The following IMMP2L variants were observed in gnomAD, a reference collection of about 807,000 sequenced individuals.
IMMP2L encodes mitochondrial inner membrane protease subunit 2.
IMMP2L carries 18 observed loss-of-function variants against 19.3 expected under a neutral mutation model. The observed-to-expected ratio is 0.93, with a 90% CI of 0.64 to 1.38. IMMP2L has a LOEUF of 1.38. IMMP2L is among the 40% of genes most tolerant of loss of function. The pLI is 0.00. For synonymous variants in IMMP2L, 76 were observed against 73.0 expected (o/e 1.04, Z -0.21); for missense variants, 233 against 218.2 (o/e 1.07, Z -0.43).
chr7:111,289,444 C>T (rs1368905905), intron 3 of IMMP2L, among the ~76,000 whole-genome samples: 3 of 149,852 alleles, frequency 2.0e-5, no homozygotes, highest in Non-Finnish European at 3.0e-5. Context: ...CCTGGAAAGA[C>T]AAGTTGGTGG....
intron 5 of IMMP2L, among the ~76,000 whole-genome samples, chr7:110,771,906 C>G (rs1378701239): frequency 6.6e-6 from 1 of 152,146 alleles, no homozygotes; most frequent in Admixed American, 6.5e-5. Flanking sequence ...GTACCCAGCA[C>G]TTGGTTACAG....
intron 3 of IMMP2L, among the ~76,000 whole-genome samples, chr7:111,310,125 C>G (rs1338119696): frequency 1.3e-5 from 2 of 151,788 alleles, no homozygotes; most frequent in Admixed American, 6.6e-5. Flanking sequence ...ATCCCAGCTA[C>G]TCGCGGGGCT....
intron 4 of IMMP2L, among the ~76,000 whole-genome samples, chr7:110,934,505 G>A (rs1167816202): frequency 6.6e-6 from 1 of 152,060 alleles, no homozygotes; most frequent in Non-Finnish European, 1.5e-5. Flanking sequence ...TTAGAAGGCT[G>A]GATCTGATCC....
At chr7:110,890,740 C>T (rs977891181) in intron 4 of IMMP2L, among the ~76,000 whole-genome samples, 1 of 152,136 alleles carries the variant, frequency 6.6e-6, no homozygotes, top group Non-Finnish European at 1.5e-5. Context: ...GGTACTCTAA[C>T]TACCTGTCTA....
chr7:111,366,407 C>T (rs1050935291), intron 3 of IMMP2L, among the ~76,000 whole-genome samples: 9 of 147,236 alleles, frequency 6.1e-5, no homozygotes, highest in Non-Finnish European at 1.3e-4. Flanking sequence ...TTATAAAAGA[C>T]AAAAAAGCAA....
chr7:111,081,501 C>T (rs1216746282), intron 3 of IMMP2L, among the ~76,000 whole-genome samples: 1 of 152,200 alleles, frequency 6.6e-6, no homozygotes, highest in Non-Finnish European at 1.5e-5. Flanking sequence ...CCAACCTGTG[C>T]ACAGAGGGAG....
At chr7:111,470,220 G>A (rs867605480) in intron 3 of IMMP2L, among the ~76,000 whole-genome samples, 9 of 152,022 alleles carry the variant, frequency 5.9e-5, no homozygotes, top group East Asian at 3.9e-4. Flanking sequence ...AAAAGTCAGG[G>A]AACAACAGGT....
chr7:111,088,421 A>C (rs1458238527), intron 3 of IMMP2L, among the ~76,000 whole-genome samples: 1 of 152,182 alleles, frequency 6.6e-6, no homozygotes. Context: ...ATTTCTCTGA[A>C]GCTTTAGTGC....
At chr7:110,940,445 AG>A (rs548418486) in intron 4 of IMMP2L, among the ~76,000 whole-genome samples, 1 of 152,216 alleles carries the variant, frequency 6.6e-6, no homozygotes, top group South Asian at 2.1e-4. Context: ...AGAAATAGAA[AG>A]GATCTTCAGA....
intron 2 of IMMP2L, among the ~76,000 whole-genome samples, chr7:111,499,341 T>C (rs1249662462): frequency 6.6e-6 from 1 of 152,134 alleles, no homozygotes; most frequent in Non-Finnish European, 1.5e-5. Flanking sequence ...CTACCAAAAC[T>C]CTGCCCTCTA....
At chr7:110,864,888 T>C (rs1212617572) in intron 5 of IMMP2L, among the ~76,000 whole-genome samples, 11 of 152,020 alleles carry the variant, frequency 7.2e-5, no homozygotes, top group Admixed American at 7.2e-4. Flanking sequence ...TCCCTGATTT[T>C]CTCTTCAGTT....
intron 3 of IMMP2L, among the ~76,000 whole-genome samples, chr7:111,484,349 A>G (rs545904087): frequency 6.6e-6 from 1 of 152,290 alleles, no homozygotes; most frequent in East Asian, 1.9e-4. Context: ...AGCACACATA[A>G]TATTATAGTA....
chr7:110,748,579 C>T (rs564098009), intron 5 of IMMP2L, among the ~76,000 whole-genome samples: 183 of 152,202 alleles, frequency 1.2e-3, no homozygotes, highest in Non-Finnish European at 2.3e-3. Flanking sequence ...GAAGAGAGGC[C>T]TCAGAAATAA....
intron 5 of IMMP2L, among the ~76,000 whole-genome samples, chr7:110,882,741 T>TA (rs1049065679): frequency 6.6e-6 from 1 of 151,834 alleles, no homozygotes; most frequent in African/African-American, 2.4e-5. Flanking sequence ...TCCAAGAATC[T>TA]ACTGTTTTTT....
At chr7:110,932,422 C>G (rs1197719112) in intron 4 of IMMP2L, among the ~76,000 whole-genome samples, 3 of 152,014 alleles carry the variant, frequency 2.0e-5, no homozygotes, top group Non-Finnish European at 4.4e-5. Flanking sequence ...GGCAAGATCT[C>G]AGCTCACTGC....
chr7:111,312,202 T>G (rs1823596316), intron 3 of IMMP2L, among the ~76,000 whole-genome samples: 1 of 152,112 alleles, frequency 6.6e-6, no homozygotes, highest in African/African-American at 2.4e-5. Context: ...AAGAAGAGGT[T>G]GGTTCCACAA....
chr7:111,492,079 C>T (rs1004248462), intron 2 of IMMP2L, among the ~76,000 whole-genome samples: 4 of 151,892 alleles, frequency 2.6e-5, no homozygotes, highest in Non-Finnish European at 5.9e-5. Context: ...TTTAAATATG[C>T]ATTATAATCA....
At chr7:110,911,293 A>G (rs2129548376) in intron 4 of IMMP2L, among the ~76,000 whole-genome samples, 1 of 152,256 alleles carries the variant, frequency 6.6e-6, no homozygotes. Flanking sequence ...ATGCATTCAA[A>G]TTCAGCTTTA....
chr7:111,267,010 C>A (rs2130064921), intron 3 of IMMP2L, among the ~76,000 whole-genome samples: 1 of 152,166 alleles, frequency 6.6e-6, no homozygotes, highest in Middle Eastern at 3.4e-3. Context: ...AGTTTGTTTC[C>A]CCAAAGGCCG....
Sources: allele counts gnomAD v4.1 joint callset (sites outside exome capture counted in the v4.1 genomes callset), GRCh38; gene constraint gnomAD v4.1.1; transcripts MANE v1.5; gene names NCBI Gene and HGNC (gene_info 2026-07-23, HGNC 2026-07-21).